Variants in GRID1 observed in about 807,000 individuals in gnomAD.
The protein encoded by GRID1 is glutamate receptor ionotropic, delta-1.
GRID1 carries 28 observed loss-of-function variants against 98.0 expected under a neutral mutation model. That is an observed-to-expected ratio of 0.29 (90% CI 0.21 to 0.39). The LOEUF (loss-of-function observed/expected upper bound fraction) is 0.39. Ranked by LOEUF, GRID1 falls within the 10% of genes least tolerant of loss-of-function variation. The pLI, the probability that GRID1 is intolerant of heterozygous loss-of-function variation, is 1.00. For synonymous variants in GRID1, 553 were observed against 538.5 expected (o/e 1.03, Z -0.37); for missense variants, 1,111 against 1,340.5 (o/e 0.83, Z 2.67).
At chr10:85,907,664 C>A (rs958159042) in intron 5 of GRID1, among the ~76,000 whole-genome samples, 1 of 152,052 alleles carries the variant, frequency 6.6e-6, no homozygotes, top group Non-Finnish European at 1.5e-5. Context: ...TACTTCCCAA[C>A]TTACTTTTGA....
chr10:86,130,338 T>A (rs892871751), intron 4 of GRID1, among the ~76,000 whole-genome samples: 3 of 152,114 alleles, frequency 2.0e-5, no homozygotes, highest in African/African-American at 7.2e-5. Context: ...AAGAGGGAAG[T>A]TCCCCAGCAA....
chr10:85,918,712 A>G (rs1311278935), intron 4 of GRID1, among the ~76,000 whole-genome samples: 1 of 152,222 alleles, frequency 6.6e-6, no homozygotes, highest in Non-Finnish European at 1.5e-5. Context: ...GCAGATATCA[A>G]TTCAATATAG....
chr10:86,021,561 A>C (rs1370692554), intron 4 of GRID1, among the ~76,000 whole-genome samples: 2 of 152,108 alleles, frequency 1.3e-5, no homozygotes, highest in African/African-American at 2.4e-5. Flanking sequence ...GTCCACAGCA[A>C]AACTAAACAG....
chr10:86,071,963 G>A (rs1257070448), intron 4 of GRID1, among the ~76,000 whole-genome samples: 1 of 152,192 alleles, frequency 6.6e-6, no homozygotes, highest in Non-Finnish European at 1.5e-5. Flanking sequence ...AGACACCTGC[G>A]TGAGCAGATG....
At chr10:85,653,992 G>T (rs1352154321) in intron 12 of GRID1, among the ~76,000 whole-genome samples, 1 of 152,188 alleles carries the variant, frequency 6.6e-6, no homozygotes, top group African/African-American at 2.4e-5. Context: ...GTTCTCCTTT[G>T]TATCCAAAGC....
chr10:85,942,404 C>A lies in GRID1; in HGVS notation c.727-26165G>T, dbSNP rs145230248. Among the ~76,000 whole-genome samples the A allele has an allele frequency of 6.4e-4, 97 of 152,300 alleles. 2 individuals are homozygous for A. In the East Asian group the frequency reaches 0.018, roughly 28 times the overall value. ...AGAGGGGTCTCTGACTCTTATGTCT[C>A]CAACTGTCTGGGGCCTGTGATCCAG... On this transcript the variant is annotated intron_variant, in intron 4 of 15. Transcript: ENST00000327946.
intron 12 of GRID1, among the ~76,000 whole-genome samples, chr10:85,660,618 G>C (rs1030282513): frequency 3.9e-5 from 6 of 151,942 alleles, no homozygotes; most frequent in African/African-American, 1.5e-4. Flanking sequence ...ATCATGAGCA[G>C]AGCTGATCAC....
chr10:86,366,394 T>TC lies in GRID1; in HGVS notation c.-3dup. The stretch of plus-strand genomic sequence containing the variant: ...AAGCCACAGCGTCAGCGCTTCCATG[T>TC]CCCCCGGGCGCGCGGCTCATCCACC... On this transcript the variant is annotated 5_prime_UTR_variant, in exon 1 of 16. Coordinates refer to ENST00000327946, the MANE Select transcript of GRID1 (RefSeq NM_017551.3). The surrounding 1 kb of genome is among the most constrained non-coding windows in gnomAD (Gnocchi z 4.1). 6.7e-7 allele frequency: 1 copy of TC among 1,496,500 alleles called. No homozygotes were observed. 92.7% of individuals were successfully genotyped at this position (1,496,500 alleles called of 1,614,324 possible).
chr10:85,678,440 G>A (rs1385935894), intron 12 of GRID1, among the ~76,000 whole-genome samples: 1 of 152,112 alleles, frequency 6.6e-6, no homozygotes, highest in Non-Finnish European at 1.5e-5. Context: ...TCATGCCCTA[G>A]GAGCAGAAAT....
intron 8 of GRID1, among the ~76,000 whole-genome samples, chr10:85,749,077 G>A (rs1842023374): frequency 6.6e-6 from 1 of 152,166 alleles, no homozygotes. Context: ...CTGGATCACT[G>A]AAACTGCTTT....
chr10:85,726,867 C>G (rs1871344), intron 10 of GRID1, among the ~76,000 whole-genome samples: 1 of 152,028 alleles, frequency 6.6e-6, no homozygotes, highest in African/African-American at 2.4e-5. Context: ...GGTATCTTTA[C>G]TAAAAATCAT....
At chr10:85,695,056 A>T (rs939391634) in intron 12 of GRID1, among the ~76,000 whole-genome samples, 14 of 152,170 alleles carry the variant, frequency 9.2e-5, no homozygotes, top group African/African-American at 2.7e-4. Flanking sequence ...TGTAAACCTA[A>T]AACTGTTTAA....
intron 12 of GRID1, among the ~76,000 whole-genome samples, chr10:85,672,946 C>T (rs1024163455): frequency 1.3e-4 from 20 of 152,170 alleles, no homozygotes; most frequent in Non-Finnish European, 8.8e-5. Flanking sequence ...TGGATCTGGG[C>T]AAAGTAAATT....
intron 8 of GRID1, among the ~76,000 whole-genome samples, chr10:85,762,244 A>G (rs1036664384): frequency 6.6e-6 from 1 of 152,202 alleles, no homozygotes; most frequent in Non-Finnish European, 1.5e-5. Context: ...ATTAAATTTG[A>G]CATAATTACT....
intron 4 of GRID1, among the ~76,000 whole-genome samples, chr10:86,085,396 A>G (rs1844037103): frequency 6.6e-6 from 1 of 152,192 alleles, no homozygotes; most frequent in Non-Finnish European, 1.5e-5. Flanking sequence ...GAACTGGCAG[A>G]TGCAGGCAAG....
intron 8 of GRID1, among the ~76,000 whole-genome samples, chr10:85,831,412 C>CAT (rs1322638278): frequency 6.6e-6 from 1 of 151,762 alleles, no homozygotes; most frequent in Admixed American, 6.6e-5. Context: ...AACAAACCTG[C>CAT]ATATATACCC....
At chr10:86,245,577 C>T (rs1014913794) in intron 2 of GRID1, among the ~76,000 whole-genome samples, 7 of 152,088 alleles carry the variant, frequency 4.6e-5, no homozygotes, top group South Asian at 2.1e-4. Context: ...CTCTACTATT[C>T]GCTTTACTCC....
At chr10:86,111,421 A>G (rs1291659778) in intron 4 of GRID1, among the ~76,000 whole-genome samples, 2 of 152,186 alleles carry the variant, frequency 1.3e-5, no homozygotes, top group East Asian at 3.9e-4. Flanking sequence ...TAGAGAAAGC[A>G]ATGCATCAGG....
intron 12 of GRID1, among the ~76,000 whole-genome samples, chr10:85,680,130 T>G (rs1227954660): frequency 1.3e-5 from 2 of 152,086 alleles, no homozygotes; most frequent in African/African-American, 4.8e-5. Flanking sequence ...AGGGTAAACA[T>G]GAGTACAGAA....
Sources: gnomAD v4.1 joint callset for allele counts (sites outside exome capture counted in the v4.1 genomes callset) on GRCh38, gnomAD v4.1.1 for gene constraint, Gnocchi (gnomAD v3.1) non-coding constraint, MANE v1.5 for transcripts, NCBI Gene and HGNC (gene_info 2026-07-23, HGNC 2026-07-21) for gene names.